The following KHDRBS2 variants were observed in gnomAD, a reference collection of about 807,000 sequenced individuals.
The protein encoded by KHDRBS2 is KH domain-containing, RNA-binding, signal transduction-associated protein 2.
KHDRBS2 carries 26 observed loss-of-function variants against 44.3 expected under a neutral mutation model. That is an observed-to-expected ratio of 0.59 (90% confidence interval 0.43 to 0.81). The LOEUF is 0.81. Ranked by LOEUF, KHDRBS2 falls within the 40% of genes least tolerant of loss-of-function variation. KHDRBS2 has a pLI of 0.00. For synonymous variants in KHDRBS2, 194 were observed against 151.1 expected (o/e 1.28, Z -2.08); for missense variants, 476 against 433.1 (o/e 1.10, Z -0.88).
chr6:62,214,621 T>A (rs1281833830), intron 1 of KHDRBS2, among the ~76,000 whole-genome samples: 2 of 151,716 alleles, frequency 1.3e-5, no homozygotes, highest in Non-Finnish European at 2.9e-5. Context: ...TTTACCCACA[T>A]CTCTCTGACC....
chr6:61,561,063 GT>G, the KHDRBS2 span, among the ~76,000 whole-genome samples: 1 of 152,152 alleles, frequency 6.6e-6, no homozygotes, highest in Non-Finnish European at 1.5e-5. Flanking sequence ...CAGTACCGAC[GT>G]GTCTCTTGCA....
the KHDRBS2 span, among the ~76,000 whole-genome samples, chr6:61,621,496 C>T: frequency 6.6e-6 from 1 of 152,202 alleles, no homozygotes; most frequent in South Asian, 2.1e-4. Context: ...GGCTAAAGGT[C>T]CCACAGTTAA....
At chr6:62,048,482 T>C (rs1788245159) in intron 2 of KHDRBS2, among the ~76,000 whole-genome samples, 1 of 151,930 alleles carries the variant, frequency 6.6e-6, no homozygotes, top group Non-Finnish European at 1.5e-5. Context: ...TTCAAGTTTG[T>C]TAAGCATTGT....
the KHDRBS2 span, among the ~76,000 whole-genome samples, chr6:61,549,208 A>G: frequency 1.3e-5 from 2 of 152,120 alleles, no homozygotes; most frequent in Admixed American, 1.3e-4. Flanking sequence ...GAGATATAAG[A>G]AAAAAATACA....
At chr6:62,200,071 T>C (rs961320425) in intron 1 of KHDRBS2, among the ~76,000 whole-genome samples, 1 of 152,104 alleles carries the variant, frequency 6.6e-6, no homozygotes, top group Non-Finnish European at 1.5e-5. Context: ...TTACACCTTA[T>C]ACAAAAATTA....
intron 3 of KHDRBS2, among the ~76,000 whole-genome samples, chr6:62,028,577 A>G (rs1207856196): frequency 6.6e-6 from 1 of 152,070 alleles, no homozygotes; most frequent in East Asian, 1.9e-4. Flanking sequence ...ATCTATATTT[A>G]CTCTAAAGAC....
At chr6:61,779,458 CTT>C (rs913250030) in intron 6 of KHDRBS2, among the ~76,000 whole-genome samples, 4 of 152,114 alleles carry the variant, frequency 2.6e-5, no homozygotes, top group African/African-American at 9.6e-5. Context: ...TTCAAAAAAA[CTT>C]TTAATTAACA....
At chr6:62,165,089 A>C (rs1183710301) in intron 2 of KHDRBS2, among the ~76,000 whole-genome samples, 1 of 151,832 alleles carries the variant, frequency 6.6e-6, no homozygotes, top group African/African-American at 2.4e-5. Flanking sequence ...ATTAATTATC[A>C]ACATGACTTT....
At chr6:61,777,642 A>G (rs1782289751) in intron 6 of KHDRBS2, among the ~76,000 whole-genome samples, 1 of 152,152 alleles carries the variant, frequency 6.6e-6, no homozygotes, top group African/African-American at 2.4e-5. Context: ...AGGAAAAATA[A>G]TTACATAGGA....
chr6:61,991,057 G>A (rs1360286370), intron 3 of KHDRBS2, among the ~76,000 whole-genome samples: 1 of 151,994 alleles, frequency 6.6e-6, no homozygotes, highest in Non-Finnish European at 1.5e-5. Flanking sequence ...GAGTTCCCAG[G>A]GCCGTGGATG....
At chr6:62,227,434 G>C (rs761552768) in intron 1 of KHDRBS2, among the ~76,000 whole-genome samples, 4 of 152,152 alleles carry the variant, frequency 2.6e-5, no homozygotes, top group Non-Finnish European at 5.9e-5. Context: ...CTGAGACGAT[G>C]GGGTTTTCTA....
chr6:61,995,674 T>C (rs1486965884), intron 3 of KHDRBS2, among the ~76,000 whole-genome samples: 3 of 152,138 alleles, frequency 2.0e-5, no homozygotes, highest in African/African-American at 4.8e-5. Flanking sequence ...TCTGTAGTTA[T>C]AACTGAGGGA....
intron 2 of KHDRBS2, among the ~76,000 whole-genome samples, chr6:62,112,732 G>A (rs565982926): frequency 6.6e-6 from 1 of 152,122 alleles, no homozygotes; most frequent in Non-Finnish European, 1.5e-5. Flanking sequence ...CCACTTTGTG[G>A]TGACAAACAG....
At chr6:62,227,077 A>T (rs909341112) in intron 1 of KHDRBS2, among the ~76,000 whole-genome samples, 1 of 152,158 alleles carries the variant, frequency 6.6e-6, no homozygotes, top group African/African-American at 2.4e-5. Flanking sequence ...TGTTAGTTTG[A>T]TGGGAACAGC....
chr6:61,560,436 CTT>C, the KHDRBS2 span, among the ~76,000 whole-genome samples: 10 of 152,144 alleles, frequency 6.6e-5, no homozygotes, highest in Admixed American at 2.0e-4. Flanking sequence ...TCCAACAACT[CTT>C]AGGTTTACTC....
chr6:61,848,516 T>C lies in KHDRBS2; in HGVS notation c.810+46119A>G, dbSNP rs1272670554. Among the ~76,000 whole-genome samples, 207 of 48,200 alleles carry C rather than the reference T, an allele frequency of 4.3e-3. 16 individuals carry two copies. Among genetic ancestry groups the C allele is most frequent in the African/African-American group, 0.018 (192 of 10,788 alleles). The allele number at this position is 48,200 out of a possible 152,430, so 31.6% of individuals were successfully genotyped here. A position where few individuals can be genotyped will look rare whatever the true frequency, so the allele number is the denominator to read the frequency against. Reference sequence around the variant, plus strand: ...GTATATATATATATATATATGTATATATGTATATATATATACATATATATG... The same window carrying C: ...GTATATATATATATATATATGTATACATGTATATATATATACATATATATG... On this transcript the variant is annotated intron_variant, in intron 6 of 8. Coordinates refer to ENST00000281156, the MANE Select transcript of KHDRBS2 (RefSeq NM_152688.4).
rs566237639 is a variant in KHDRBS2 at position 61,908,431 on chromosome 6, G to A, written c.484-7060C>T. 1.1e-3 allele frequency among the ~76,000 whole-genome samples: 161 copies of A among 151,960 alleles called. 2 individuals are homozygous for A. The highest frequency in any genetic ancestry group is 1.9e-3 in the Non-Finnish European group (128 of 67,948). ...GGGCAGATCACAAGGTCAGGAGATC[G>A]AGACCATCCTGGCTAATACGGTGAA... is the stretch of plus-strand genomic sequence containing the variant. On this transcript the variant is annotated intron_variant, in intron 4 of 8. Coordinates refer to ENST00000281156, the MANE Select transcript of KHDRBS2 (RefSeq NM_152688.4).
At chr6:62,207,912 G>A (rs1361045697) in intron 1 of KHDRBS2, among the ~76,000 whole-genome samples, 1 of 151,982 alleles carries the variant, frequency 6.6e-6, no homozygotes, top group Non-Finnish European at 1.5e-5. Flanking sequence ...TTTGACAAGA[G>A]CAACTAAAAT....
intron 1 of KHDRBS2, among the ~76,000 whole-genome samples, chr6:62,253,571 T>C (rs1402203172): frequency 6.6e-6 from 1 of 151,836 alleles, no homozygotes; most frequent in Non-Finnish European, 1.5e-5. Flanking sequence ...TTGTTTGAAA[T>C]CCAGGTTTCT....
Sources: allele counts gnomAD v4.1 joint callset (sites outside exome capture counted in the v4.1 genomes callset), GRCh38; gene constraint gnomAD v4.1.1; transcripts MANE v1.5; gene names NCBI Gene and HGNC (gene_info 2026-07-23, HGNC 2026-07-21).